The following MYT1L variants were observed in gnomAD, a reference collection of about 807,000 sequenced individuals.
MYT1L encodes myelin transcription factor 1-like protein.
Under a neutral mutation model 126.7 loss-of-function variants are expected in MYT1L, and 12 were observed. That is an observed-to-expected ratio of 0.09 (90% CI 0.06 to 0.15). The LOEUF (loss-of-function observed/expected upper bound fraction) is 0.15, where lower values mean the gene tolerates loss of function less well. Ranked by LOEUF, MYT1L falls within the 10% of genes least tolerant of loss-of-function variation. MYT1L has a pLI of 1.00. For synonymous variants in MYT1L, 541 were observed against 604.2 expected, an observed-to-expected ratio of 0.90 and a Z score of 1.53; for missense variants, 979 against 1,585.2, an observed-to-expected ratio of 0.62 and a Z score of 6.49.
chr2:2,072,742 A>G (rs1448313316), intron 3 of MYT1L, among the ~76,000 whole-genome samples: 4 of 152,048 alleles, frequency 2.6e-5, no homozygotes, highest in Admixed American at 6.5e-5. Context: ...TTCTCACAAG[A>G]TCTGATGGTT....
intron 5 of MYT1L, among the ~76,000 whole-genome samples, chr2:1,980,777 C>T (rs2060547896): frequency 2.0e-5 from 3 of 152,082 alleles, no homozygotes; most frequent in African/African-American, 4.8e-5. Context: ...CATGCTGTTG[C>T]GTGGTAAATA....
intron 3 of MYT1L, among the ~76,000 whole-genome samples, chr2:2,088,447 T>G (rs1285171543): frequency 6.6e-6 from 1 of 151,972 alleles, no homozygotes; most frequent in Non-Finnish European, 1.5e-5. Flanking sequence ...GACCCTAAAC[T>G]CACAGTAGGC....
chr2:1,813,372 A>C (rs898217275), intron 21 of MYT1L, among the ~76,000 whole-genome samples: 1 of 152,154 alleles, frequency 6.6e-6, no homozygotes, highest in Non-Finnish European at 1.5e-5. Context: ...CACAGCTGAG[A>C]AATGGCCCCA....
intron 3 of MYT1L, among the ~76,000 whole-genome samples, chr2:2,061,010 T>G (rs1004384370): frequency 6.6e-6 from 1 of 152,108 alleles, no homozygotes; most frequent in Non-Finnish European, 1.5e-5. Flanking sequence ...TGGTTATACA[T>G]TTTACTGTAA....
chr2:2,321,629 A>G (rs1559671940), intron 1 of MYT1L, among the ~76,000 whole-genome samples: 1 of 152,182 alleles, frequency 6.6e-6, no homozygotes. Flanking sequence ...ATTTAGGTTG[A>G]GATAACGGCA....
At chr2:2,088,583 G>A (rs925448817) in intron 3 of MYT1L, among the ~76,000 whole-genome samples, 1 of 151,796 alleles carries the variant, frequency 6.6e-6, no homozygotes, top group Non-Finnish European at 1.5e-5. Context: ...GGCCAGCTGC[G>A]TCCAACCTGC....
At chr2:1,833,542 G>A (rs73913430) in intron 21 of MYT1L, among the ~76,000 whole-genome samples, 7,810 of 152,138 alleles carry the variant, frequency 0.051, 668 homozygotes, top group African/African-American at 0.18. Flanking sequence ...TGACTCCTCC[G>A]TCCTGGGCTT....
chr2:1,967,491 C>T (rs188054459), intron 8 of MYT1L, among the ~76,000 whole-genome samples: 202 of 152,316 alleles, frequency 1.3e-3, no homozygotes, highest in Middle Eastern at 3.4e-3. Context: ...TCCTTTGCTG[C>T]GCCTTCACAT....
In MYT1L at chr2:2,097,865, G is replaced by A. The variant is rs115310166; in HGVS notation, c.-303-43742C>T. Among the ~76,000 whole-genome samples, 691 of 152,254 alleles carry A rather than the reference G, an allele frequency of 4.5e-3. 5 individuals are homozygous for A. The highest frequency in any genetic ancestry group is 0.016 in the African/African-American group (667 of 41,546). On this transcript the variant is annotated intron_variant, in intron 3 of 24. Transcript: ENST00000647738. ...AGGTGATGCCTGGTGGGAGGTGATT[G>A]TATCACTGGGGCAGAATTCTCATGA...
intron 13 of MYT1L, among the ~76,000 whole-genome samples, chr2:1,904,475 T>A (rs2050769235): frequency 6.6e-6 from 1 of 152,046 alleles, no homozygotes; most frequent in Non-Finnish European, 1.5e-5. Flanking sequence ...TTCAAGCGAT[T>A]CTCCTGCCTC....
At position 1,959,593 on chromosome 2, in the gene MYT1L, C is replaced by T. The variant is rs1035824588; in HGVS notation, c.153-16259G>A. 2.2e-4 allele frequency among the ~76,000 whole-genome samples: 34 copies of T among 152,206 alleles called. 1 individual carries two copies. The highest frequency in any genetic ancestry group is 7.2e-4 in the African/African-American group (30 of 41,462). ...CCTCCTCCCAGTCAATTCTATAGCT[C>T]CTTCAAAGGTCAGCAGGAGGGTCTC... On this transcript the variant is annotated intron_variant, in intron 8 of 24. Coordinates refer to ENST00000647738, the MANE Select transcript of MYT1L (RefSeq NM_001303052.2).
chr2:1,958,544 T>G (rs12991351), intron 8 of MYT1L, among the ~76,000 whole-genome samples: 6,586 of 152,288 alleles, frequency 0.043, 157 homozygotes, highest in African/African-American at 0.064. Flanking sequence ...TTTTCTGGAA[T>G]CGGGGGGCCT....
chr2:1,802,759 A>G (rs2035072469), intron 22 of MYT1L, among the ~76,000 whole-genome samples: 1 of 152,228 alleles, frequency 6.6e-6, no homozygotes, highest in Non-Finnish European at 1.5e-5. Context: ...ATTCCTCTCT[A>G]TTTGTGACCA....
At chr2:2,211,454 A>G (rs1013477710) in intron 2 of MYT1L, among the ~76,000 whole-genome samples, 1 of 152,126 alleles carries the variant, frequency 6.6e-6, no homozygotes, top group Non-Finnish European at 1.5e-5. Flanking sequence ...ACTGTCATCC[A>G]CTAATAGCAA....
intron 2 of MYT1L, among the ~76,000 whole-genome samples, chr2:2,251,317 C>G (rs973199671): frequency 4.6e-5 from 7 of 152,142 alleles, no homozygotes; most frequent in Non-Finnish European, 1.0e-4. Context: ...GTATAATGAC[C>G]TAGACGTGGA....
At chr2:2,147,544 ACTGT>A (rs1455097251) in intron 3 of MYT1L, among the ~76,000 whole-genome samples, 3 of 152,232 alleles carry the variant, frequency 2.0e-5, no homozygotes, top group Admixed American at 6.5e-5. Context: ...CCCACAGCTG[ACTGT>A]CTGTTCAGGC....
chr2:1,939,075 G>T (rs558951514), intron 9 of MYT1L, among the ~76,000 whole-genome samples: 1 of 152,162 alleles, frequency 6.6e-6, no homozygotes, highest in Non-Finnish European at 1.5e-5. Context: ...CTCTCTACTC[G>T]CAAGGCTGAG....
At position 2,294,219 on chromosome 2, in the gene MYT1L, G is replaced by A. The variant is rs577564583; in HGVS notation, c.-520-9716C>T. Among the ~76,000 whole-genome samples the A allele has an allele frequency of 5.3e-5, 8 of 152,260 alleles. No homozygotes were observed. The East Asian group carries it at 9.7e-4, about 18-fold the overall frequency. On this transcript the variant is annotated intron_variant, in intron 1 of 24. Coordinates refer to ENST00000647738, the MANE Select transcript of MYT1L (RefSeq NM_001303052.2). Reference sequence around the variant, plus strand: ...GTTAGCGACTCACGGGCGGTGCCCCGGTCACTTGACTCTGCTTAGAAAACA... The same window carrying A: ...GTTAGCGACTCACGGGCGGTGCCCCAGTCACTTGACTCTGCTTAGAAAACA...
chr2:1,885,003 C>A (rs757974298), intron 18 of MYT1L, among the ~76,000 whole-genome samples: 5 of 152,156 alleles, frequency 3.3e-5, no homozygotes. Context: ...GGGATGCAAG[C>A]CAAAGAAAAC....
Sources: gnomAD v4.1 joint callset for allele counts (sites outside exome capture counted in the v4.1 genomes callset) on GRCh38, gnomAD v4.1.1 for gene constraint, MANE v1.5 for transcripts, NCBI Gene and HGNC (gene_info 2026-07-23, HGNC 2026-07-21) for gene names.